The following ILRUN variants were observed in gnomAD, a reference collection of about 807,000 sequenced individuals.
The protein encoded by ILRUN is inflammation and lipid regulator with UBA-like and NBR1-like domains.
In ILRUN, 3 loss-of-function variants were observed where a neutral mutation model predicts 33.8. That is an observed-to-expected ratio of 0.09 (90% CI 0.04 to 0.23). The LOEUF (loss-of-function observed/expected upper bound fraction) is 0.23, where lower values mean the gene tolerates loss of function less well. Ranked by LOEUF, ILRUN falls within the 10% of genes least tolerant of loss-of-function variation. The probability of loss-of-function intolerance (pLI) is 1.00; values close to 1 mark genes in which losing one functional copy is unlikely to be tolerated. For synonymous variants in ILRUN, 124 were observed against 138.9 expected (o/e 0.89, Z 0.75); for missense variants, 210 against 375.1 (o/e 0.56, Z 3.64).
intron 4 of ILRUN, chr6:34,595,797 T>C: frequency 1.0e-6 from 1 of 985,418 alleles, no homozygotes; most frequent in Non-Finnish European, 1.2e-6. Flanking sequence ...ACAAGCAAGT[T>C]TGTTGTATGG....
At chr6:34,683,855 G>C (rs1030630530) in intron 1 of ILRUN, among the ~76,000 whole-genome samples, 5 of 152,094 alleles carry the variant, frequency 3.3e-5, no homozygotes, top group Non-Finnish European at 7.4e-5. Flanking sequence ...TTGAGCTCTG[G>C]AGTTTGAGAC....
chr6:34,667,983 T>G (rs1318626516), intron 1 of ILRUN, among the ~76,000 whole-genome samples: 1 of 152,190 alleles, frequency 6.6e-6, no homozygotes, highest in Admixed American at 6.5e-5. Context: ...AATACTTTTG[T>G]TTCCATGTTA....
chr6:34,595,933 G>C, intron 4 of ILRUN: 2 of 985,136 alleles, frequency 2.0e-6, no homozygotes, highest in Non-Finnish European at 2.4e-6. Context: ...TGCTCCTTTT[G>C]TATCACTTAT....
chr6:34,654,786 A>G lies in ILRUN; in HGVS notation c.159-7T>C. On this transcript the variant is annotated splice_polypyrimidine_tract_variant and splice_region_variant and intron_variant, in intron 1 of 4. Transcript: ENST00000374023. ...AATTGCTGCTTGTAGGTTCCTATAGAAAAAGAGAAAAGGCAACAGACTTCA... is the reference window on the plus strand; with the variant it reads ...AATTGCTGCTTGTAGGTTCCTATAGGAAAAGAGAAAAGGCAACAGACTTCA... The G allele has an allele frequency of 6.3e-7, 1 of 1,585,766 alleles. No homozygotes were observed. Among genetic ancestry groups the G allele is most frequent in the South Asian group, 1.1e-5 (1 of 89,920 alleles).
chr6:34,688,790 G>T (rs1763583287), intron 1 of ILRUN, among the ~76,000 whole-genome samples: 2 of 150,670 alleles, frequency 1.3e-5, no homozygotes, highest in Non-Finnish European at 3.0e-5. Flanking sequence ...TCCAGCCTGG[G>T]CGACAACAAC....
chr6:34,633,876 GGAGA>G (rs1223697117), intron 3 of ILRUN, among the ~76,000 whole-genome samples: 2 of 86,630 alleles, frequency 2.3e-5, no homozygotes, highest in South Asian at 4.7e-4. Context: ...AGACATGGAG[GGAGA>G]GAGGGAGGGA....
At chr6:34,660,131 A>T (rs1423869277) in intron 1 of ILRUN, among the ~76,000 whole-genome samples, 1 of 138,372 alleles carries the variant, frequency 7.2e-6, no homozygotes, top group Admixed American at 7.2e-5. Flanking sequence ...GCGAAACCTC[A>T]TCCCTTCAAA....
intron 1 of ILRUN, among the ~76,000 whole-genome samples, chr6:34,682,021 C>CTTTTTTTTTTTTTTTTTTTTTT (rs1377020252): frequency 3.8e-5 from 5 of 130,076 alleles, no homozygotes; most frequent in African/African-American, 1.5e-4. Flanking sequence ...CCCACTAATT[C>CTTTTTTTTTTTTTTTTTTTTTT]TTATATTTTT....
In ILRUN at chr6:34,590,131, G is replaced by A. The variant is rs1300024694; in HGVS notation, c.*434C>T. 5.9e-6 allele frequency: 1 copy of A among 170,938 alleles called. No individual in the cohort carries two copies. The highest frequency in any genetic ancestry group is 1.3e-5 in the Non-Finnish European group (1 of 77,556). 10.6% of individuals were successfully genotyped at this position (170,938 alleles called of 1,614,324 possible). A position where few individuals can be genotyped will look rare whatever the true frequency, so the allele number is the denominator to read the frequency against. On this transcript the variant is annotated 3_prime_UTR_variant, in exon 5 of 5. Coordinates refer to ENST00000374023, the MANE Select transcript of ILRUN (RefSeq NM_024294.4). ...ACAAGCACTATTCTATAAAGAATATGTTATCCCTTATTTAAAAAAATAAAA... is the reference window on the plus strand; with the variant it reads ...ACAAGCACTATTCTATAAAGAATATATTATCCCTTATTTAAAAAAATAAAA...
rs1054634106 is a variant in ILRUN, at chr6:34,613,955, C to T, written c.512-7051G>A. Among the ~76,000 whole-genome samples, 3 of 152,218 alleles carry T rather than the reference C, an allele frequency of 2.0e-5. No individual in the cohort carries two copies. In the South Asian group the frequency reaches 6.2e-4, roughly 32 times the overall value. On this transcript the variant is annotated intron_variant, in intron 3 of 4. Coordinates refer to ENST00000374023, the MANE Select transcript of ILRUN (RefSeq NM_024294.4). ...AGGGCATGGAAAATACAAGATGAAT[C>T]TGAAACATCCTATAGTAGCAGAAAG...
intron 1 of ILRUN, among the ~76,000 whole-genome samples, chr6:34,693,033 G>A (rs374423837): frequency 3.9e-4 from 59 of 152,252 alleles, no homozygotes; most frequent in Non-Finnish European, 7.1e-4. Flanking sequence ...AGCCACAGCT[G>A]TGCCACTGCA....
At chr6:34,645,626 C>G (rs1762550654) in intron 3 of ILRUN, among the ~76,000 whole-genome samples, 1 of 152,184 alleles carries the variant, frequency 6.6e-6, no homozygotes, top group African/African-American at 2.4e-5. Flanking sequence ...CCCACTTCAG[C>G]CTCCCAAAGT....
intron 1 of ILRUN, among the ~76,000 whole-genome samples, chr6:34,656,684 C>T (rs376240082): frequency 3.7e-4 from 56 of 152,162 alleles, no homozygotes; most frequent in Admixed American, 1.8e-3. Flanking sequence ...AACAGAAATG[C>T]TAATAACAGC....
chr6:34,646,830 C>T lies in ILRUN; in HGVS notation c.314-32G>A, dbSNP rs1240739044. The T allele has an allele frequency of 6.3e-7, 1 of 1,599,122 alleles. No homozygotes were observed. The highest frequency in any genetic ancestry group is 1.3e-5 in the African/African-American group (1 of 74,646). On this transcript the variant is annotated intron_variant, in intron 2 of 4. Coordinates refer to ENST00000374023, the MANE Select transcript of ILRUN (RefSeq NM_024294.4). The surrounding 1 kb of genome is among the most constrained non-coding windows in gnomAD (Gnocchi z 4.9). ...TCAAGCAAAAGAAAAAAATGTTAGG[C>T]AATCAATGGTCCTATGCTGGGTGCA...
At chr6:34,670,101 C>T (rs1441840213) in intron 1 of ILRUN, among the ~76,000 whole-genome samples, 1 of 152,048 alleles carries the variant, frequency 6.6e-6, no homozygotes, top group Non-Finnish European at 1.5e-5. Context: ...TTAGTAGAGA[C>T]AGGGTTTCAC....
chr6:34,687,066 TG>T, intron 1 of ILRUN: 1 of 182,306 alleles, frequency 5.5e-6, no homozygotes, highest in Non-Finnish European at 1.2e-5. Flanking sequence ...CATTTTGAAC[TG>T]GGAGGCGATA....
intron 3 of ILRUN, among the ~76,000 whole-genome samples, chr6:34,626,440 G>A (rs1459792116): frequency 6.6e-6 from 1 of 152,120 alleles, no homozygotes; most frequent in East Asian, 1.9e-4. Context: ...GCCTCTCAAA[G>A]GGCTGGAATT....
At chr6:34,676,545 T>C (rs1199698320) in intron 1 of ILRUN, among the ~76,000 whole-genome samples, 2 of 150,842 alleles carry the variant, frequency 1.3e-5, no homozygotes, top group Non-Finnish European at 2.9e-5. Context: ...CTTTGTCACC[T>C]AGGCTCCAGA....
At chr6:34,688,507 TC>T (rs539312919) in intron 1 of ILRUN, among the ~76,000 whole-genome samples, 60 of 150,342 alleles carry the variant, frequency 4.0e-4, no homozygotes, top group African/African-American at 1.4e-3. Flanking sequence ...CTTACAGGCT[TC>T]ATTAAAAGAA....
Sources: gnomAD v4.1 joint callset for allele counts (sites outside exome capture counted in the v4.1 genomes callset) on GRCh38, gnomAD v4.1.1 for gene constraint, Gnocchi (gnomAD v3.1) non-coding constraint, MANE v1.5 for transcripts, NCBI Gene and HGNC (gene_info 2026-07-23, HGNC 2026-07-21) for gene names.